Variants in LRRC4C observed in about 807,000 individuals in gnomAD.
LRRC4C encodes the protein leucine rich repeat containing 4C, also known as leucine-rich repeat-containing protein 4C.
Under a neutral mutation model 33.6 loss-of-function variants are expected in LRRC4C, and 5 were observed. That is an observed-to-expected ratio of 0.15 (90% CI 0.08 to 0.31). LRRC4C has a LOEUF of 0.31. Ranked by LOEUF, LRRC4C falls within the 10% of genes least tolerant of loss-of-function variation. The pLI, the probability that LRRC4C is intolerant of heterozygous loss-of-function variation, is 1.00. For synonymous variants in LRRC4C, 329 were observed against 302.0 expected (o/e 1.09, Z -0.93); for missense variants, 560 against 796.7 (o/e 0.70, Z 3.58).
chr11:40,643,264 G>A (rs762798789), intron 3 of LRRC4C, among the ~76,000 whole-genome samples: 2 of 152,124 alleles, frequency 1.3e-5, no homozygotes, highest in African/African-American at 4.8e-5. Context: ...AGAAAAATTT[G>A]AGGCAATTAA....
chr11:41,137,947 T>C (rs1357010910), intron 1 of LRRC4C, among the ~76,000 whole-genome samples: 2 of 152,204 alleles, frequency 1.3e-5, no homozygotes, highest in Non-Finnish European at 2.9e-5. Flanking sequence ...ATACTAGTTG[T>C]TCTCCTTTCC....
chr11:40,938,381 A>G (rs928269657), intron 1 of LRRC4C, among the ~76,000 whole-genome samples: 1 of 152,148 alleles, frequency 6.6e-6, no homozygotes, highest in Non-Finnish European at 1.5e-5. Flanking sequence ...GTACTGAGGA[A>G]CAGCTATAAA....
chr11:40,796,086 G>A (rs1305777040), intron 2 of LRRC4C, among the ~76,000 whole-genome samples: 1 of 152,080 alleles, frequency 6.6e-6, no homozygotes, highest in African/African-American at 2.4e-5. Context: ...GGAGAATATG[G>A]GTGCTTTGGT....
chr11:40,892,538 C>A (rs1955765623), intron 2 of LRRC4C, among the ~76,000 whole-genome samples: 1 of 151,936 alleles, frequency 6.6e-6, no homozygotes, highest in South Asian at 2.1e-4. Flanking sequence ...TGGAAAAAAT[C>A]AAAATGTCCA....
intron 1 of LRRC4C, among the ~76,000 whole-genome samples, chr11:40,998,576 C>A (rs1854143965): frequency 6.6e-6 from 1 of 152,070 alleles, no homozygotes; most frequent in African/African-American, 2.4e-5. Flanking sequence ...TATTCAAAGT[C>A]CTGATTAGGC....
At chr11:40,324,184 A>G (rs1945987021) in intron 3 of LRRC4C, among the ~76,000 whole-genome samples, 2 of 152,248 alleles carry the variant, frequency 1.3e-5, no homozygotes, top group Non-Finnish European at 2.9e-5. Flanking sequence ...CTCATATGTC[A>G]TGATAAGGAG....
chr11:41,286,764 A>AGAGGAGGGG (rs1365524415), intron 1 of LRRC4C, among the ~76,000 whole-genome samples: 1 of 152,062 alleles, frequency 6.6e-6, no homozygotes, highest in Non-Finnish European at 1.5e-5. Context: ...TAATTATGAA[A>AGAGGAGGGG]GAGGAGGGGG....
At chr11:40,127,237 C>A (rs898460987) in intron 6 of LRRC4C, among the ~76,000 whole-genome samples, 1 of 151,864 alleles carries the variant, frequency 6.6e-6, no homozygotes, top group African/African-American at 2.4e-5. Flanking sequence ...GATTGTGCCA[C>A]TGCACTCAAG....
chr11:41,104,750 A>G (rs1941396726), intron 1 of LRRC4C, among the ~76,000 whole-genome samples: 1 of 152,012 alleles, frequency 6.6e-6, no homozygotes, highest in Admixed American at 6.6e-5. Flanking sequence ...AATATTATGT[A>G]TCCATACAAC....
intron 5 of LRRC4C, among the ~76,000 whole-genome samples, chr11:40,176,623 C>T (rs1030958281): frequency 1.3e-5 from 2 of 151,006 alleles, no homozygotes; most frequent in Admixed American, 6.6e-5. Flanking sequence ...TCGTTGCAGA[C>T]TTGAAGTCCT....
At chr11:41,198,025 A>G (rs1332311838) in intron 1 of LRRC4C, among the ~76,000 whole-genome samples, 1 of 151,992 alleles carries the variant, frequency 6.6e-6, no homozygotes, top group Non-Finnish European at 1.5e-5. Flanking sequence ...CTAACTTAGA[A>G]ACAGAAATAT....
At chr11:40,501,873 TCTATC>T (rs1954792213) in intron 3 of LRRC4C, among the ~76,000 whole-genome samples, 1 of 152,236 alleles carries the variant, frequency 6.6e-6, no homozygotes, top group South Asian at 2.1e-4. Context: ...GATTTTCTCT[TCTATC>T]CTATTGTCAG....
intron 1 of LRRC4C, among the ~76,000 whole-genome samples, chr11:41,104,048 G>C (rs1382485232): frequency 6.6e-6 from 1 of 151,786 alleles, no homozygotes; most frequent in Non-Finnish European, 1.5e-5. Flanking sequence ...CTTTGAGTTA[G>C]GCAAATATTT....
chr11:41,007,187 C>T (rs924593375), intron 1 of LRRC4C, among the ~76,000 whole-genome samples: 9 of 151,778 alleles, frequency 5.9e-5, no homozygotes, highest in South Asian at 2.1e-4. Context: ...ATTTATATTA[C>T]GTTCCATCGA....
chr11:40,985,347 TG>T (rs1852922939), intron 1 of LRRC4C, among the ~76,000 whole-genome samples: 1 of 148,558 alleles, frequency 6.7e-6, no homozygotes, highest in African/African-American at 2.5e-5. Context: ...TTGTTTTTGT[TG>T]TTTTGTGTTT....
chr11:41,301,935 C>T (rs1039106025), intron 1 of LRRC4C, among the ~76,000 whole-genome samples: 1 of 152,160 alleles, frequency 6.6e-6, no homozygotes, highest in Non-Finnish European at 1.5e-5. Context: ...ACTTCCACTA[C>T]TTTTACTCTA....
intron 1 of LRRC4C, among the ~76,000 whole-genome samples, chr11:41,307,005 C>G (rs1950523085): frequency 6.6e-6 from 1 of 152,116 alleles, no homozygotes; most frequent in Admixed American, 6.5e-5. Flanking sequence ...GTAGTTTGAA[C>G]TTTGGCTTTG....
chr11:41,183,242 C>T (rs542795124), intron 1 of LRRC4C, among the ~76,000 whole-genome samples: 7 of 152,210 alleles, frequency 4.6e-5, no homozygotes, highest in Non-Finnish European at 8.8e-5. Context: ...AGTTCCCCAA[C>T]GTCTTAACAC....
At chr11:41,385,323 C>A (rs1290390003) in intron 1 of LRRC4C, among the ~76,000 whole-genome samples, 1 of 151,532 alleles carries the variant, frequency 6.6e-6, no homozygotes, top group Non-Finnish European at 1.5e-5. Context: ...TTCTTTCAAT[C>A]AGATGTGTGC....
Sources: allele counts gnomAD v4.1 joint callset (sites outside exome capture counted in the v4.1 genomes callset), GRCh38; gene constraint gnomAD v4.1.1; transcripts MANE v1.5; gene names NCBI Gene and HGNC (gene_info 2026-07-23, HGNC 2026-07-21).